Variants in MED12L observed in about 807,000 individuals in gnomAD.
The protein encoded by MED12L is mediator complex subunit 12L.
MED12L carries 60 observed loss-of-function variants against 281.3 expected under a neutral mutation model. That is an observed-to-expected ratio of 0.21 (90% CI 0.17 to 0.26). The LOEUF (loss-of-function observed/expected upper bound fraction) is 0.26, where lower values mean the gene tolerates loss of function less well. Among genes scored for constraint, MED12L ranks in the 10% least tolerant of loss-of-function variants. MED12L has a pLI of 1.00. For missense variants in MED12L, 2,146 were observed against 2,680.9 expected (o/e 0.80, Z 4.41); for synonymous variants, 974 against 987.2 (o/e 0.99, Z 0.25).
rs1755304212 is a variant in MED12L at position 151,366,576 on chromosome 3, A to G, written c.3327+585A>G. Among the ~76,000 whole-genome samples the G allele has an allele frequency of 2.6e-5, 4 of 152,268 alleles. 1 individual carries two copies. In the South Asian group the frequency reaches 8.3e-4, roughly 32 times the overall value. ...ATCCATGATGTGTGTATTTCTTTAA[A>G]AATCTGTCTTGATTCTTTACTTCTC... On this transcript the variant is annotated intron_variant, in intron 23 of 44. Transcript: ENST00000687756.
intron 2 of MED12L, among the ~76,000 whole-genome samples, chr3:151,090,446 C>T (rs896159499): frequency 2.0e-5 from 3 of 152,084 alleles, no homozygotes; most frequent in Admixed American, 1.3e-4. Context: ...TGCCATCTCC[C>T]CCTAATAGGT....
intron 11 of MED12L, among the ~76,000 whole-genome samples, chr3:151,166,923 C>T (rs911579241): frequency 5.3e-5 from 8 of 152,170 alleles, no homozygotes; most frequent in Non-Finnish European, 1.2e-4. Flanking sequence ...ATTCGCCTGC[C>T]TCAGCCTCCC....
chr3:151,141,166 G>GT (rs750239134), intron 5 of MED12L, among the ~76,000 whole-genome samples: 2,393 of 97,888 alleles, frequency 0.024, 95 homozygotes, highest in African/African-American at 0.086. Flanking sequence ...CGTGCCTGGC[G>GT]TTTTTTTTTT....
chr3:151,291,167 T>A (rs528389604), intron 16 of MED12L, among the ~76,000 whole-genome samples: 185 of 145,680 alleles, frequency 1.3e-3, no homozygotes, highest in African/African-American at 4.4e-3. Flanking sequence ...TTTTTTTTTG[T>A]TTTTATTTGT....
At chr3:151,213,585 G>A (rs1328918222) in intron 16 of MED12L, 1 of 1,614,122 alleles carries the variant, frequency 6.2e-7, no homozygotes, top group South Asian at 1.1e-5. Flanking sequence ...GTACAAAACA[G>A]ACAAAAAACA....
At chr3:151,158,180 G>A (rs1056538218) in intron 6 of MED12L, among the ~76,000 whole-genome samples, 2 of 152,076 alleles carry the variant, frequency 1.3e-5, no homozygotes, top group African/African-American at 4.8e-5. Context: ...TTTCATTTCT[G>A]TATATTAGGT....
At chr3:151,147,329 G>T (rs886091101) in intron 5 of MED12L, among the ~76,000 whole-genome samples, 2 of 152,100 alleles carry the variant, frequency 1.3e-5, no homozygotes, top group Non-Finnish European at 2.9e-5. Context: ...AGTACTTCAA[G>T]AAGACATTTT....
At chr3:151,172,219 G>A (rs973954084) in intron 11 of MED12L, among the ~76,000 whole-genome samples, 2 of 152,188 alleles carry the variant, frequency 1.3e-5, no homozygotes, top group South Asian at 4.1e-4. Context: ...GACAATTCAC[G>A]TATTTTTGAT....
intron 9 of MED12L, 85 bp from the exon 10 acceptor site, chr3:151,165,335 T>C: frequency 5.9e-6 from 6 of 1,012,654 alleles, no homozygotes; most frequent in Non-Finnish European, 9.3e-6. Context: ...ATAGGATACT[T>C]TACTCACGTG....
chr3:151,267,882 T>C (rs900629072), intron 16 of MED12L, among the ~76,000 whole-genome samples: 5 of 152,200 alleles, frequency 3.3e-5, no homozygotes, highest in Non-Finnish European at 5.9e-5. Flanking sequence ...TGTTTGAGAA[T>C]AGCTTTTTAA....
At position 151,435,812 on chromosome 3, in the gene MED12L, C is replaced by T. The variant is rs1017399902; in HGVS notation, c.*3008C>T. On this transcript the variant is annotated 3_prime_UTR_variant, in exon 45 of 45. Transcript: ENST00000687756. ...TGTAGGATTGATCAGATTTTAAATA[C>T]AGTGAAACTTCATTATATATAATAG... 1.3e-5 allele frequency: 2 copies of T among 150,468 alleles called. No individual in the cohort carries two copies. The highest frequency in any genetic ancestry group is 4.9e-5 in the African/African-American group (2 of 40,746). The allele number at this position is 150,468 out of a possible 1,614,324, so 9.3% of individuals were successfully genotyped here.
chr3:151,220,654 C>T (rs1450766878), intron 16 of MED12L, among the ~76,000 whole-genome samples: 7 of 152,200 alleles, frequency 4.6e-5, no homozygotes, highest in Non-Finnish European at 8.8e-5. Context: ...CCTGCACAAG[C>T]TCTCTTCTCT....
intron 16 of MED12L, chr3:151,328,902 T>C (rs758381185): frequency 6.2e-7 from 1 of 1,614,012 alleles, no homozygotes; most frequent in South Asian, 1.1e-5. Flanking sequence ...AAAACCACTG[T>C]GTAGAGGGCT....
intron 16 of MED12L, among the ~76,000 whole-genome samples, chr3:151,269,161 G>A (rs1740389440): frequency 6.6e-6 from 1 of 152,168 alleles, no homozygotes; most frequent in South Asian, 2.1e-4. Context: ...TATACTCTGG[G>A]AGGCCAAGGT....
intron 16 of MED12L, among the ~76,000 whole-genome samples, chr3:151,207,203 G>A (rs962535806): frequency 4.6e-5 from 7 of 151,996 alleles, no homozygotes; most frequent in African/African-American, 1.7e-4. Context: ...GACTACAGGG[G>A]CACAACACTG....
intron 44 of MED12L, 144 bp from the exon 45 acceptor site, chr3:151,432,608 T>C (rs1719660777): frequency 3.5e-6 from 2 of 577,294 alleles, no homozygotes; most frequent in South Asian, 2.7e-5. Context: ...ACCACAAGGG[T>C]TTTTCAGGGC....
chr3:151,135,110 T>C (rs1230747884), intron 5 of MED12L, among the ~76,000 whole-genome samples: 1 of 151,924 alleles, frequency 6.6e-6, no homozygotes, highest in African/African-American at 2.4e-5. Flanking sequence ...CACGCCAACC[T>C]CCGCTCTCAG....
At chr3:151,124,887 G>C (rs911586455) in intron 4 of MED12L, among the ~76,000 whole-genome samples, 12 of 152,154 alleles carry the variant, frequency 7.9e-5, no homozygotes, top group African/African-American at 2.9e-4. Context: ...GTTCCCTTCA[G>C]GTGACTTTGA....
rs1176157032 is a variant in MED12L at position 151,364,900 on chromosome 3, AAT to A, written c.2958-76_2958-75del. 6.6e-5 allele frequency: 67 copies of A among 1,010,674 alleles called. No homozygotes were observed. The Admixed American group carries it at 1.2e-3, about 19-fold the overall frequency. 62.6% of individuals were successfully genotyped at this position (1,010,674 alleles called of 1,614,324 possible). On this transcript the variant is annotated intron_variant, in intron 21 of 44. Coordinates refer to ENST00000687756, the MANE Select transcript of MED12L (RefSeq NM_001393769.1). ...GAATGCATTACAGTTCCTGCCATTT[AAT>A]ATGTCCTTAAGTGAAATAGTTTTCT...
Sources: allele counts gnomAD v4.1 joint callset (sites outside exome capture counted in the v4.1 genomes callset), GRCh38; gene constraint gnomAD v4.1.1; transcripts MANE v1.5; gene names NCBI Gene and HGNC (gene_info 2026-07-23, HGNC 2026-07-21).